The following B4GALNT4 variants were observed in gnomAD, a reference collection of about 807,000 sequenced individuals.
B4GALNT4 encodes the protein N-acetyl-beta-glucosaminyl-glycoprotein 4-beta-N-acetylgalactosaminyltransferase 1.
A neutral mutation model predicts 110.0 loss-of-function variants in B4GALNT4; 77 were observed. That is an observed-to-expected ratio of 0.70 (90% CI 0.58 to 0.85). The LOEUF is 0.85. Ranked by LOEUF, B4GALNT4 falls within the 40% of genes least tolerant of loss-of-function variation. The probability of loss-of-function intolerance (pLI) is 0.00; values close to 1 mark genes in which losing one functional copy is unlikely to be tolerated. For missense variants in B4GALNT4, 1,575 were observed against 1,506.0 expected (o/e 1.05, Z -0.76); for synonymous variants, 785 against 655.5 (o/e 1.20, Z -3.02).
chr11:380,054 C>T (rs1209276779), intron 16 of B4GALNT4, 35 bp downstream of exon 16: 3 of 1,603,070 alleles, frequency 1.9e-6, no homozygotes, highest in Non-Finnish European at 2.6e-6. Context: ...GCGGACCCAG[C>T]GCAGCTTTCC....
intron 8 of B4GALNT4, among the ~76,000 whole-genome samples, chr11:374,354 G>A (rs1846681824): frequency 6.6e-6 from 1 of 151,620 alleles, no homozygotes; most frequent in Non-Finnish European, 1.5e-5. Flanking sequence ...GGGATGGACG[G>A]GGGAAGGCGG....
At position 380,464 on chromosome 11, in the gene B4GALNT4, C is replaced by CT. The variant is rs1207094819; in HGVS notation, c.2869+19_2869+20insT. 1 of 1,571,330 alleles carries CT rather than the reference C, an allele frequency of 6.4e-7. No homozygotes were observed. Among genetic ancestry groups the CT allele is most frequent in the Admixed American group, 1.8e-5 (1 of 54,360 alleles). ...CCCCACGGTGAGGCCCCGAGCGTCC[C>CT]ACCCTGTGATACCAGGGTTCCCACC... On this transcript the variant is annotated intron_variant, in intron 18 of 19. Coordinates refer to ENST00000329962, the MANE Select transcript of B4GALNT4 (RefSeq NM_178537.5).
In B4GALNT4 at chr11:376,873, GCCACACAGCCGAGGCCCCCAGC is replaced by G. The variant is rs974823045; in HGVS notation, c.1753_1774del (p.Thr585GlyfsTer34). The G allele has an allele frequency of 3.8e-6, 5 of 1,332,400 alleles. No homozygotes were observed. The highest frequency in any genetic ancestry group is 4.8e-6 in the Non-Finnish European group (5 of 1,044,552). 82.5% of individuals were successfully genotyped at this position (1,332,400 alleles called of 1,614,324 possible). A position where few individuals can be genotyped will look rare whatever the true frequency, so the allele number is the denominator to read the frequency against. On this transcript the variant is annotated frameshift_variant, in exon 14 of 20. Transcript: ENST00000329962. LOFTEE classifies it high-confidence loss of function. ...CGGCCGCAGGACCGGCGGCCCCCAGGCCACACAGCCGAGGCCCCCAGCCCGGGCGCAGGCCACCCAAGGGGGC... is the reference window on the plus strand; with the variant it reads ...CGGCCGCAGGACCGGCGGCCCCCAGGCCGGGCGCAGGCCACCCAAGGGGGC...
Position 375,760 on chromosome 11 carries a change from T to C in B4GALNT4, c.972T>C (p.Asp324=), listed in dbSNP as rs1178236094. 6.3e-7 allele frequency: 1 copy of C among 1,597,610 alleles called. No homozygotes were observed. The highest frequency in any genetic ancestry group is 1.3e-5 in the African/African-American group (1 of 74,846). ...SADMLRPDPR[D]TFFLTPRMES... Reference sequence around the variant, plus strand: ...ACATGCTGCGGCCAGATCCCAGGGATACCTTTTTCCTCAGTGAGAGGGGGC... The same window carrying C: ...ACATGCTGCGGCCAGATCCCAGGGACACCTTTTTCCTCAGTGAGAGGGGGC... Residue 324 remains aspartate, a synonymous_variant, in exon 10 of 20, where the codon GAT becomes GAC. Transcript: ENST00000329962.
chr11:375,955 T>G lies in B4GALNT4; in HGVS notation c.1094T>G (p.Phe365Cys), dbSNP rs775981961. 3.1e-6 allele frequency: 5 copies of G among 1,611,282 alleles called. No homozygotes were observed. Among genetic ancestry groups the G allele is most frequent in the Non-Finnish European group, 4.2e-6 (5 of 1,179,312 alleles). Residue 365 changes from phenylalanine to cysteine, a missense_variant and splice_region_variant, in exon 11 of 20, where the codon TTT becomes TGT. Phe to Cys is a radical substitution (Grantham distance 205). Transcript: ENST00000329962. ...ATCGCCAGATACCAGGGCCTGCAAT[T>G]TGTGAGTGCGGCTGGAGACCCCGTC... ...FPIARYQGLQ[F>C]VYLSFVYPND...
chr11:375,479 G>T lies in B4GALNT4; in HGVS notation c.802G>T (p.Gly268Cys). The T allele has an allele frequency of 6.2e-7, 1 of 1,611,798 alleles. No individual in the cohort carries two copies. Among genetic ancestry groups the T allele is most frequent in the South Asian group, 1.1e-5 (1 of 91,064 alleles). Residue 268 changes from glycine (G) to cysteine (C), a missense_variant, in exon 9 of 20, where the codon GGC becomes TGC. Coordinates refer to ENST00000329962, the MANE Select transcript of B4GALNT4 (RefSeq NM_178537.5). ...VEVGWRAFLP[G>C]LKFEVISSAH... ...CCCGCAGTGGCGAGCTTTCCTGCCC[G>T]GCCTGAAGTTCGAGGTCATCAGCTC...
chr11:375,597 A>C (rs1307634815), intron 9 of B4GALNT4, 42 bp from the exon 10 acceptor site: 1 of 1,600,186 alleles, frequency 6.2e-7, no homozygotes, highest in East Asian at 2.2e-5. Flanking sequence ...GGAAGAGTGG[A>C]GGAGGGGGTC....
Position 379,847 on chromosome 11 carries a change from C to CCA in B4GALNT4, c.2489-18_2489-17insAC. The CCA allele has an allele frequency of 6.3e-7, 1 of 1,578,228 alleles. No individual in the cohort carries two copies. ...GAGTCAGCGTCGGCTCAGCGCCCCC[C>CCA]CCGCCTTTTCTCCTCCAGTGAAAAA... is the stretch of plus-strand genomic sequence containing the variant. On this transcript the variant is annotated intron_variant, in intron 15 of 19. Coordinates refer to ENST00000329962, the MANE Select transcript of B4GALNT4 (RefSeq NM_178537.5).
At position 373,076 on chromosome 11, in the gene B4GALNT4, T is replaced by C. The variant is rs2119642331; in HGVS notation, c.495T>C (p.Tyr165=). ...KLAVSPKWKN[Y]GLRIFGFIHP... is the part of the protein sequence containing the mutation. ...CCGTGTCCCCCAAGTGGAAGAACTA[T>C]GGACTCCGTATTTTTGGTTTCATCC... is the stretch of plus-strand genomic sequence containing the variant. The change falls in exon 5 of 20, where the codon TAT becomes TAC. Residue 165 remains tyrosine, a synonymous_variant. Transcript: ENST00000329962. The C allele has an allele frequency of 2.5e-6, 4 of 1,611,744 alleles. No individual in the cohort carries two copies. The highest frequency in any genetic ancestry group is 1.1e-5 in the South Asian group (1 of 91,058).
chr11:379,622 C>T lies in B4GALNT4; in HGVS notation c.2409C>T (p.Arg803=), dbSNP rs1846830149. ...SPEPAPAASV[R]PDGRPELCRP... ...AACCCGCTCCCGCCGCCTCCGTGCG[C>T]CCCGACGGCCGCCCCGAGCTCTGCC... Residue 803 remains arginine, a synonymous_variant, in exon 15 of 20, where the codon CGC becomes CGT. Transcript: ENST00000329962. 2 of 1,527,274 alleles carry T rather than the reference C, an allele frequency of 1.3e-6. No individual in the cohort carries two copies. The highest frequency in any genetic ancestry group is 4.7e-5 in the East Asian group (2 of 42,532). 94.6% of individuals were successfully genotyped at this position (1,527,274 alleles called of 1,614,324 possible). A position where few individuals can be genotyped will look rare whatever the true frequency, so the allele number is the denominator to read the frequency against.
chr11:377,620 G>A (rs1846786108), intron 14 of B4GALNT4, among the ~76,000 whole-genome samples: 1 of 152,334 alleles, frequency 6.6e-6, no homozygotes, highest in African/African-American at 2.4e-5. Flanking sequence ...CCTGGACCTG[G>A]GCCCAGGGAT....
intron 2 of B4GALNT4, 121 bp from the exon 3 acceptor site, chr11:372,541 A>G: frequency 2.3e-6 from 2 of 888,506 alleles, no homozygotes; most frequent in South Asian, 2.9e-5. Context: ...GCTGGGGCTC[A>G]CGGGCATTTA....
rs763506977 is a variant in B4GALNT4, at chr11:381,838, G to T, written c.*46G>T. 4 of 1,522,166 alleles carry T rather than the reference G, an allele frequency of 2.6e-6. No individual in the cohort carries two copies. Among genetic ancestry groups the T allele is most frequent in the Non-Finnish European group, 3.5e-6 (4 of 1,138,620 alleles). The allele number at this position is 1,522,166 out of a possible 1,614,324, so 94.3% of individuals were successfully genotyped here. A position where few individuals can be genotyped will look rare whatever the true frequency, so the allele number is the denominator to read the frequency against. On this transcript the variant is annotated 3_prime_UTR_variant, in exon 20 of 20. Transcript: ENST00000329962. ...CCCCGGTGGGAGTCCCGAGGCAGCT[G>T]CTGGGGGCTGGGCTTTGAGCTCGGT... is the stretch of plus-strand genomic sequence containing the variant.
rs774934954 is a variant in B4GALNT4, at chr11:372,956, C to T, written c.444+9C>T. ...TCCCGCTGTTCCCTCATGTGAGTGC[C>T]GGGGTTGGGGGGTGCCGGGTGGGCA... On this transcript the variant is annotated intron_variant, in intron 4 of 19. Coordinates refer to ENST00000329962, the MANE Select transcript of B4GALNT4 (RefSeq NM_178537.5). The T allele has an allele frequency of 4.0e-5, 46 of 1,150,280 alleles. No homozygotes were observed. The highest frequency in any genetic ancestry group is 1.1e-4 in the African/African-American group (6 of 54,274). The allele number at this position is 1,150,280 out of a possible 1,614,324, so 71.3% of individuals were successfully genotyped here.
chr11:373,583 C>G, intron 7 of B4GALNT4, 67 bp downstream of exon 7: 1 of 1,566,320 alleles, frequency 6.4e-7, no homozygotes, highest in South Asian at 1.1e-5. Context: ...GCGCTGTCTC[C>G]TTATCCTGTG....
At chr11:377,369 CG>C in intron 14 of B4GALNT4, 42 bp downstream of exon 14, 1 of 1,446,104 alleles carries the variant, frequency 6.9e-7, no homozygotes, top group East Asian at 2.7e-5. Context: ...GTTTTGGAGG[CG>C]GGGACAGCCG....
chr11:375,316 G>A (rs1475267802), intron 8 of B4GALNT4, 145 bp from the exon 9 acceptor site: 19 of 835,638 alleles, frequency 2.3e-5, no homozygotes, highest in Admixed American at 3.8e-5. Flanking sequence ...TTCTTGGAAC[G>A]CCCCGGACCC....
rs1025485746 is a variant in B4GALNT4 at position 377,289 on chromosome 11, C to T, written c.2166C>T (p.Thr722=). ...CGGAGGCGGAGGCCGTGGACGTGAC[C>T]GCTCAGTACATGGAGCGGCTGAACG... The part of the protein sequence containing the change: ...QLPEAEAVDV[T]AQYMERLNAR... Residue 722 remains threonine, a synonymous_variant, in exon 14 of 20, where the codon ACC becomes ACT. Transcript: ENST00000329962. 4.8e-5 allele frequency: 76 copies of T among 1,588,090 alleles called. No homozygotes were observed. The highest frequency in any genetic ancestry group is 6.4e-5 in the Non-Finnish European group (75 of 1,169,588).
At position 376,561 on chromosome 11, in the gene B4GALNT4, C is replaced by T; in HGVS notation, c.1438C>T (p.Pro480Ser). Residue 480 changes from proline (P) to serine (S), a missense_variant, in exon 14 of 20, where the codon CCC (proline) becomes TCC (serine). Physicochemically the swap from Pro to Ser is moderately conservative, Grantham distance 74 (BLOSUM62 -1). Transcript: ENST00000329962. The stretch of plus-strand genomic sequence containing the variant: ...AGCCACCCTCGCCCCGCCGACCCCT[C>T]CCCGCCCCCGGGACGGGGGGACCCC... Reference protein sequence around the residue: ...PGATLAPPTPPRPRDGGTPRH... With the variant: ...PGATLAPPTPSRPRDGGTPRH... The T allele has an allele frequency of 7.4e-7, 1 of 1,358,708 alleles. No individual in the cohort carries two copies. The highest frequency in any genetic ancestry group is 9.4e-7 in the Non-Finnish European group (1 of 1,064,626). The allele number at this position is 1,358,708 out of a possible 1,614,324, so 84.2% of individuals were successfully genotyped here.
Sources: gnomAD v4.1 joint callset for allele counts (sites outside exome capture counted in the v4.1 genomes callset) on GRCh38, gnomAD v4.1.1 for gene constraint, MANE v1.5 for transcripts, NCBI Gene and HGNC (gene_info 2026-07-23, HGNC 2026-07-21) for gene names.